ROCK1: variants seen among roughly 807,000 people sequenced by gnomAD.
ROCK1 encodes the protein Rho associated coiled-coil containing protein kinase 1.
A neutral mutation model predicts 196.8 loss-of-function variants in ROCK1; 36 were observed. The ratio of observed to expected loss-of-function variants is 0.18; its 90% CI spans 0.14 to 0.24. ROCK1 has a LOEUF of 0.24. ROCK1 is among the 10% of genes least tolerant of loss of function. The pLI, the probability that ROCK1 is intolerant of heterozygous loss-of-function variation, is 1.00. For missense variants in ROCK1, 920 were observed against 1,562.0 expected (o/e 0.59, Z 6.93); for synonymous variants, 443 against 515.9 (o/e 0.86, Z 1.91).
intron 19 of ROCK1, among the ~76,000 whole-genome samples, chr18:20,986,371 C>T (rs1321633754): frequency 1.3e-5 from 2 of 152,138 alleles, no homozygotes; most frequent in Non-Finnish European, 2.9e-5. Context: ...GCCCTGACTC[C>T]AAAACTATTA....
rs1484528089 is a variant in ROCK1 at position 20,947,093 on chromosome 18, G to C, written c.*4291C>G. 1 of 152,092 alleles carries C rather than the reference G, an allele frequency of 6.6e-6. No homozygotes were observed. Among genetic ancestry groups the C allele is most frequent in the Non-Finnish European group, 1.5e-5 (1 of 68,026 alleles). 9.4% of individuals were successfully genotyped at this position (152,092 alleles called of 1,614,324 possible). A position where few individuals can be genotyped will look rare whatever the true frequency, so the allele number is the denominator to read the frequency against. On this transcript the variant is annotated 3_prime_UTR_variant, in exon 33 of 33. Coordinates refer to ENST00000399799, the MANE Select transcript of ROCK1 (RefSeq NM_005406.3). ...CTTTATGGGAAACAGTATAGCTTGG[G>C]AGAAAGTATCATATCTTAATTCTCA...
At position 20,979,960 on chromosome 18, in the gene ROCK1, T is replaced by A; in HGVS notation, c.2604A>T (p.Glu868Asp). 1.3e-6 allele frequency: 2 copies of A among 1,550,658 alleles called. No individual in the cohort carries two copies. Among genetic ancestry groups the A allele is most frequent in the Non-Finnish European group, 1.7e-6 (2 of 1,146,528 alleles). Residue 868 changes from glutamate to aspartate, a missense_variant, in exon 22 of 33, where the codon GAA (glutamate) becomes GAT (aspartate). By Grantham distance (45) the Glu-to-Asp change is conservative. Coordinates refer to ENST00000399799, the MANE Select transcript of ROCK1 (RefSeq NM_005406.3). ...TQVKELKEEI[E>D]EKNRENLKKI... Reference sequence around the variant, plus strand: ...TCTTTAAATTTTCTCTGTTTTTTTCTTCAATTTCTTCTTTAAGTTCCTTTA... The same window carrying A: ...TCTTTAAATTTTCTCTGTTTTTTTCATCAATTTCTTCTTTAAGTTCCTTTA...
Position 20,960,226 on chromosome 18 carries a change from T to C in ROCK1, c.3353-20A>G. On this transcript the variant is annotated intron_variant, in intron 27 of 32. Coordinates refer to ENST00000399799, the MANE Select transcript of ROCK1 (RefSeq NM_005406.3). The stretch of plus-strand genomic sequence containing the variant: ...TTGACTCTAGGAGAAAAAGAATATA[T>C]GTATTAGTCAGTCTTAAATTGTAAC... 3 of 1,383,066 alleles carry C rather than the reference T, an allele frequency of 2.2e-6. No individual in the cohort carries two copies. Among genetic ancestry groups the C allele is most frequent in the East Asian group, 2.3e-5 (1 of 43,686 alleles). 85.7% of individuals were successfully genotyped at this position (1,383,066 alleles called of 1,614,324 possible). A position where few individuals can be genotyped will look rare whatever the true frequency, so the allele number is the denominator to read the frequency against.
chr18:21,041,240 T>C (rs186332996), intron 8 of ROCK1, among the ~76,000 whole-genome samples: 38 of 134,834 alleles, frequency 2.8e-4, no homozygotes, highest in East Asian at 2.1e-3. Flanking sequence ...GAAACCAGCC[T>C]GGGCAACAGA....
chr18:21,021,835 A>G (rs1210621924), intron 11 of ROCK1, among the ~76,000 whole-genome samples: 1 of 152,182 alleles, frequency 6.6e-6, no homozygotes, highest in Non-Finnish European at 1.5e-5. Flanking sequence ...ACAGTCAAGT[A>G]ACACAGTGAG....
intron 19 of ROCK1, among the ~76,000 whole-genome samples, chr18:20,985,869 A>AT (rs1248960962): frequency 4.6e-5 from 7 of 151,856 alleles, no homozygotes; most frequent in Admixed American, 1.3e-4. Flanking sequence ...TTTATTTTTT[A>AT]TTTTTTAGAG....
intron 1 of ROCK1, among the ~76,000 whole-genome samples, chr18:21,108,990 T>A (rs1281814412): frequency 6.6e-6 from 1 of 152,140 alleles, no homozygotes; most frequent in Non-Finnish European, 1.5e-5. Context: ...TAGCCAGTCA[T>A]GTCTCCACCC....
At chr18:20,989,888 G>A (rs1026581262) in intron 18 of ROCK1, among the ~76,000 whole-genome samples, 2 of 151,968 alleles carry the variant, frequency 1.3e-5, no homozygotes, top group African/African-American at 2.4e-5. Flanking sequence ...ATAAAGAAAC[G>A]GCACAGGAAA....
intron 17 of ROCK1, among the ~76,000 whole-genome samples, chr18:20,991,739 A>G (rs2035628106): frequency 6.6e-6 from 1 of 151,880 alleles, no homozygotes; most frequent in Admixed American, 6.6e-5. Context: ...GGCTCAAGCT[A>G]TCCTCCAGCC....
At chr18:21,094,708 C>T (rs2036598196) in intron 1 of ROCK1, among the ~76,000 whole-genome samples, 1 of 151,204 alleles carries the variant, frequency 6.6e-6, no homozygotes, top group African/African-American at 2.4e-5. Flanking sequence ...ATGACCCCAC[C>T]ACTGAACTCC....
At chr18:21,027,281 T>C (rs1464885299) in intron 10 of ROCK1, among the ~76,000 whole-genome samples, 1 of 152,146 alleles carries the variant, frequency 6.6e-6, no homozygotes, top group Non-Finnish European at 1.5e-5. Context: ...CATTGCACAA[T>C]TTATGCATTT....
intron 22 of ROCK1, among the ~76,000 whole-genome samples, chr18:20,971,337 C>CACAT (rs1555744421): frequency 3.2e-5 from 3 of 92,758 alleles, no homozygotes; most frequent in African/African-American, 1.2e-4. Flanking sequence ...CACACACACA[C>CACAT]ACACACATAC....
At chr18:21,044,256 G>T (rs569260820) in intron 5 of ROCK1, 70 bp from the exon 6 acceptor site, 2 of 1,112,856 alleles carry the variant, frequency 1.8e-6, no homozygotes, top group East Asian at 2.4e-5. Context: ...ATATGAGGCA[G>T]TTATTTTAGG....
chr18:21,089,915 G>A (rs2036556180), intron 1 of ROCK1, among the ~76,000 whole-genome samples: 1 of 152,174 alleles, frequency 6.6e-6, no homozygotes, highest in Admixed American at 6.5e-5. Context: ...AGTTGGAAAA[G>A]GGAAGAGTAT....
At chr18:21,061,910 C>G (rs1397594067) in intron 2 of ROCK1, among the ~76,000 whole-genome samples, 1 of 152,006 alleles carries the variant, frequency 6.6e-6, no homozygotes, top group Admixed American at 6.6e-5. Context: ...TTCTCATCAT[C>G]AGAGAAAAAA....
At chr18:20,991,760 G>GA (rs1363568295) in intron 17 of ROCK1, among the ~76,000 whole-genome samples, 1 of 151,400 alleles carries the variant, frequency 6.6e-6, no homozygotes, top group Non-Finnish European at 1.5e-5. Context: ...TTAGCCTCTG[G>GA]AGTGGCTAGT....
chr18:20,990,693 C>CAAAAAAAAA (rs1170099682), intron 18 of ROCK1, among the ~76,000 whole-genome samples: 1 of 22,584 alleles, frequency 4.4e-5, no homozygotes, highest in African/African-American at 1.1e-4. Context: ...AACTTCGTCT[C>CAAAAAAAAA]AAAAAAAAAA....
At chr18:20,998,689 C>T (rs144638461) in intron 16 of ROCK1, among the ~76,000 whole-genome samples, 2,626 of 150,120 alleles carry the variant, frequency 0.017, 74 homozygotes, top group African/African-American at 0.059. Context: ...ACTGCCACCT[C>T]CGCCTCCCGG....
At chr18:21,083,324 C>T (rs536595122) in intron 1 of ROCK1, among the ~76,000 whole-genome samples, 1 of 152,076 alleles carries the variant, frequency 6.6e-6, no homozygotes, top group South Asian at 2.1e-4. Flanking sequence ...AATAGAAAAC[C>T]TCATCCTAAA....
Sources: gnomAD v4.1 joint callset for allele counts (sites outside exome capture counted in the v4.1 genomes callset) on GRCh38, gnomAD v4.1.1 for gene constraint, MANE v1.5 for transcripts, NCBI Gene and HGNC (gene_info 2026-07-23, HGNC 2026-07-21) for gene names.